Variants in PTPRU observed in about 807,000 individuals in gnomAD.
PTPRU encodes the protein protein tyrosine phosphatase receptor type U, also known as receptor-type tyrosine-protein phosphatase U.
PTPRU carries 69 observed loss-of-function variants against 166.3 expected under a neutral mutation model. The ratio of observed to expected loss-of-function variants is 0.41; its 90% confidence interval spans 0.34 to 0.51. The LOEUF is 0.51. Ranked by LOEUF, PTPRU falls within the 20% of genes least tolerant of loss-of-function variation. The probability of loss-of-function intolerance (pLI) is 0.09; values close to 1 mark genes in which losing one functional copy is unlikely to be tolerated. For synonymous variants in PTPRU, 793 were observed against 814.0 expected, an observed-to-expected ratio of 0.97 and a Z score of 0.44; for missense variants, 1,657 against 2,013.7, an observed-to-expected ratio of 0.82 and a Z score of 3.39.
intron 1 of PTPRU, among the ~76,000 whole-genome samples, chr1:29,245,335 A>G (rs1359364731): frequency 7.9e-5 from 12 of 152,140 alleles, no homozygotes; most frequent in African/African-American, 2.9e-4. Context: ...GACAAGCCAG[A>G]TGAGATTTCG....
chr1:29,260,376 T>C lies in PTPRU; in HGVS notation c.851-234T>C, dbSNP rs190092861. 7.8e-4 allele frequency: 365 copies of C among 469,490 alleles called. 1 individual carries two copies. Among genetic ancestry groups the C allele is most frequent in the African/African-American group, 7.2e-3 (345 of 48,048 alleles). The allele number at this position is 469,490 out of a possible 1,614,324, so 29.1% of individuals were successfully genotyped here. ...AGGATGTGGGGGATTAGGAGGGGCC[T>C]GAGAGAGGGGTTGTGGGCTGATGGG... On this transcript the variant is annotated intron_variant, in intron 6 of 29. Coordinates refer to ENST00000373779, the MANE Select transcript of PTPRU (RefSeq NM_133178.4). The surrounding 1 kb of genome is among the most constrained non-coding windows in gnomAD (Gnocchi z 8.3).
At chr1:29,319,575 T>C (rs765329728) in intron 25 of PTPRU, among the ~76,000 whole-genome samples, 1 of 152,232 alleles carries the variant, frequency 6.6e-6, no homozygotes, top group African/African-American at 2.4e-5. Flanking sequence ...GCCTGAGTTT[T>C]GGAATCTGGC....
Position 29,325,843 on chromosome 1 carries a change from G to A in PTPRU, c.*182G>A. 1 of 681,936 alleles carries A rather than the reference G, an allele frequency of 1.5e-6. No individual in the cohort carries two copies. The highest frequency in any genetic ancestry group is 2.2e-5 in the South Asian group (1 of 45,350). The allele number at this position is 681,936 out of a possible 1,614,324, so 42.2% of individuals were successfully genotyped here. On this transcript the variant is annotated 3_prime_UTR_variant, in exon 30 of 30. Transcript: ENST00000373779. ...GGGCAGGGCCTTTCGCTTGTCCCAT[G>A]GGCGGGTGGTGGGCCAAGGAGGAGC... is the stretch of plus-strand genomic sequence containing the variant.
chr1:29,317,728 C>T lies in PTPRU; in HGVS notation c.3514-20C>T. 1 of 1,590,440 alleles carries T rather than the reference C, an allele frequency of 6.3e-7. No homozygotes were observed. On this transcript the variant is annotated intron_variant, in intron 24 of 29. Coordinates refer to ENST00000373779, the MANE Select transcript of PTPRU (RefSeq NM_133178.4). This position sits in a 1 kb window ranked among gnomAD's most constrained non-coding sequence, Gnocchi z 5.6. ...CAAGCCCTGGACGTAACTCTCTGTC[C>T]CCACCCCCGCTCCCTGTAGACGCTG...
chr1:29,310,129 C>T (rs1018681532), intron 18 of PTPRU, among the ~76,000 whole-genome samples: 4 of 152,034 alleles, frequency 2.6e-5, no homozygotes, highest in South Asian at 2.1e-4. Context: ...TAGCACAGTA[C>T]GTGACCATAA....
chr1:29,274,166 G>T (rs1685694371), intron 7 of PTPRU, among the ~76,000 whole-genome samples: 1 of 152,200 alleles, frequency 6.6e-6, no homozygotes, highest in African/African-American at 2.4e-5. Flanking sequence ...AAGCAGCTGG[G>T]ACCACAGGCT....
chr1:29,305,689 C>G (rs553388845), intron 18 of PTPRU: 2 of 654,460 alleles, frequency 3.1e-6, no homozygotes, highest in African/African-American at 3.5e-5. Context: ...AGGCAGACAG[C>G]TAGGCCAAGA....
intron 2 of PTPRU, 87 bp downstream of exon 2, chr1:29,255,493 T>G: frequency 6.5e-7 from 1 of 1,549,410 alleles, no homozygotes; most frequent in Middle Eastern, 1.7e-4. Context: ...GGCACATTAC[T>G]TAACCTCTCT....
chr1:29,320,473 G>A lies in PTPRU; in HGVS notation c.3688-212G>A. ...TTGCTGTTTAGTTCTGGGGGGTCAT[G>A]GGCTTGGTCCCCAGAGGCCTGGGCC... On this transcript the variant is annotated intron_variant, in intron 25 of 29. Transcript: ENST00000373779. The surrounding 1 kb of genome is among the most constrained non-coding windows in gnomAD (Gnocchi z 5.2). 2 of 439,948 alleles carry A rather than the reference G, an allele frequency of 4.5e-6. No individual in the cohort carries two copies. Among genetic ancestry groups the A allele is most frequent in the Non-Finnish European group, 3.9e-6 (1 of 257,964 alleles). 27.3% of individuals were successfully genotyped at this position (439,948 alleles called of 1,614,324 possible). A position where few individuals can be genotyped will look rare whatever the true frequency, so the allele number is the denominator to read the frequency against.
chr1:29,296,902 A>C (rs890176352), intron 15 of PTPRU, among the ~76,000 whole-genome samples: 1 of 151,924 alleles, frequency 6.6e-6, no homozygotes, highest in Non-Finnish European at 1.5e-5. Context: ...ATAGAAAGTT[A>C]TATTTTTGAT....
Position 29,315,877 on chromosome 1 carries a change from G to C in PTPRU, c.3364-125G>C. The C allele has an allele frequency of 8.2e-7, 1 of 1,222,458 alleles. No individual in the cohort carries two copies. Among genetic ancestry groups the C allele is most frequent in the Non-Finnish European group, 1.1e-6 (1 of 880,492 alleles). 75.7% of individuals were successfully genotyped at this position (1,222,458 alleles called of 1,614,324 possible). On this transcript the variant is annotated intron_variant, in intron 23 of 29. Transcript: ENST00000373779. This position sits in a 1 kb window ranked among gnomAD's most constrained non-coding sequence, Gnocchi z 4.5. ...GTTTCAGGTAGGCTTGGTCCAGCCTGTAGTAACATGGTTGGCCTCCACCTC... is the reference window on the plus strand; with the variant it reads ...GTTTCAGGTAGGCTTGGTCCAGCCTCTAGTAACATGGTTGGCCTCCACCTC...
rs1686643770 is a variant in PTPRU, at chr1:29,291,784, C to G, written c.2319-85C>G. The G allele has an allele frequency of 6.2e-6, 9 of 1,453,360 alleles. No individual in the cohort carries two copies. Among genetic ancestry groups the G allele is most frequent in the Middle Eastern group, 1.8e-4 (1 of 5,680 alleles). The allele number at this position is 1,453,360 out of a possible 1,614,324, so 90.0% of individuals were successfully genotyped here. A position where few individuals can be genotyped will look rare whatever the true frequency, so the allele number is the denominator to read the frequency against. ...CTGCTGGCTCCTGGCCTTGAGGTCC[C>G]CTTACTCCAGGGCCTCCCCAGCCAC... On this transcript the variant is annotated intron_variant, in intron 14 of 29. Coordinates refer to ENST00000373779, the MANE Select transcript of PTPRU (RefSeq NM_133178.4). This position sits in a 1 kb window ranked among gnomAD's most constrained non-coding sequence, Gnocchi z 4.1.
Position 29,259,506 on chromosome 1 carries a change from C to G in PTPRU, c.617C>G (p.Ala206Gly), listed in dbSNP as rs943968406. 3 of 1,592,128 alleles carry G rather than the reference C, an allele frequency of 1.9e-6. No homozygotes were observed. The highest frequency in any genetic ancestry group is 2.7e-5 in the African/African-American group (2 of 73,952). The change falls in exon 5 of 30, where the codon GCG becomes GGG. Residue 206 changes from alanine (A) to glycine (G), a missense_variant. Transcript: ENST00000373779. ...GDVEVNAGQNASFQCMAAGRA... is the reference protein window; with the variant it reads ...GDVEVNAGQNGSFQCMAAGRA... ...GTGGAGGTCAACGCGGGCCAGAACG[C>G]GTCGTTCCAGTGCATGGCCGCGGGC...
At chr1:29,269,769 G>T (rs1263134723) in intron 7 of PTPRU, among the ~76,000 whole-genome samples, 1 of 152,070 alleles carries the variant, frequency 6.6e-6, no homozygotes, top group South Asian at 2.1e-4. Context: ...CATCATCCTA[G>T]CCCAACAGCT....
rs370909451 is a variant in PTPRU, at chr1:29,304,054, C to T, written c.2667+9C>T. Reference sequence around the variant, plus strand: ...TCAAGCAGGAGTATGAGGTGCACGCCGGCCCCGGGCCAGCAGGATCCCTGC... The same window carrying T: ...TCAAGCAGGAGTATGAGGTGCACGCTGGCCCCGGGCCAGCAGGATCCCTGC... On this transcript the variant is annotated intron_variant, in intron 16 of 29. Transcript: ENST00000373779. 109 of 1,595,820 alleles carry T rather than the reference C, an allele frequency of 6.8e-5. No homozygotes were observed. In the Middle Eastern group the frequency reaches 1.4e-3, roughly 20 times the overall value.
intron 18 of PTPRU, among the ~76,000 whole-genome samples, chr1:29,309,767 T>G (rs925153433): frequency 2.6e-5 from 4 of 152,232 alleles, no homozygotes; most frequent in African/African-American, 4.8e-5. Context: ...GATTTGAACC[T>G]TGGCAGTCTG....
chr1:29,292,024 G>A lies in PTPRU; in HGVS notation c.2474G>A (p.Arg825Gln), dbSNP rs769583142. 6 of 1,613,962 alleles carry A rather than the reference G, an allele frequency of 3.7e-6. No individual in the cohort carries two copies. Among genetic ancestry groups the A allele is most frequent in the South Asian group, 2.2e-5 (2 of 91,048 alleles). Reference protein sequence around the residue: ...SFMDTHGYSTRGDQRSGGVTE... With the variant: ...SFMDTHGYSTQGDQRSGGVTE... ...ATGGACACCCATGGCTACAGCACCC[G>A]GGGTGAGTGCCCGGCCCTCCTACCC... Residue 825 changes from arginine to glutamine, a missense_variant and splice_region_variant, in exon 15 of 30, where the codon CGG (arginine) becomes CAG (glutamine). Physicochemically the swap from Arg to Gln is conservative, Grantham distance 43 (BLOSUM62 1). Transcript: ENST00000373779.
intron 14 of PTPRU, among the ~76,000 whole-genome samples, chr1:29,288,908 A>C (rs2151956685): frequency 6.6e-6 from 1 of 152,300 alleles, no homozygotes; most frequent in East Asian, 1.9e-4. Flanking sequence ...CTTTGCGGTA[A>C]GGTAGGGCTC....
chr1:29,278,959 T>C, intron 8 of PTPRU, 53 bp from the exon 9 acceptor site: 1 of 1,415,018 alleles, frequency 7.1e-7, no homozygotes, highest in African/African-American at 1.4e-5. Flanking sequence ...TAAACCCAGG[T>C]GTCTGGCACC....
Sources: allele counts gnomAD v4.1 joint callset (sites outside exome capture counted in the v4.1 genomes callset), GRCh38; gene constraint gnomAD v4.1.1; non-coding constraint Gnocchi (gnomAD v3.1); transcripts MANE v1.5; gene names NCBI Gene and HGNC (gene_info 2026-07-23, HGNC 2026-07-21).